Variants in GIGYF2 observed in about 807,000 individuals in gnomAD.
The protein encoded by GIGYF2 is GRB10 interacting GYF protein 2.
A neutral mutation model predicts 208.1 loss-of-function variants in GIGYF2; 25 were observed. The ratio of observed to expected loss-of-function variants is 0.12; its 90% confidence interval spans 0.09 to 0.17. The LOEUF (loss-of-function observed/expected upper bound fraction) is 0.17, where lower values mean the gene tolerates loss of function less well. Ranked by LOEUF, GIGYF2 falls within the 10% of genes least tolerant of loss-of-function variation. The probability of loss-of-function intolerance (pLI) is 1.00; values close to 1 mark genes in which losing one functional copy is unlikely to be tolerated. For synonymous variants in GIGYF2, 534 were observed against 543.8 expected, an observed-to-expected ratio of 0.98 and a Z score of 0.25; for missense variants, 1,302 against 1,579.4, an observed-to-expected ratio of 0.82 and a Z score of 2.98.
intron 23 of GIGYF2, among the ~76,000 whole-genome samples, chr2:232,843,312 C>G (rs559025879): frequency 6.6e-6 from 1 of 151,994 alleles, no homozygotes; most frequent in Non-Finnish European, 1.5e-5. Flanking sequence ...GTAATCCTAG[C>G]ACTTTGGGAG....
At chr2:232,815,761 C>G in intron 19 of GIGYF2, 24 bp downstream of exon 19, 1 of 1,152,464 alleles carries the variant, frequency 8.7e-7, no homozygotes, top group South Asian at 1.2e-5. Context: ...TCTTCTGCAA[C>G]AGTGCATTGT....
At chr2:232,804,273 T>C (rs1007835584) in intron 14 of GIGYF2, among the ~76,000 whole-genome samples, 19 of 138,518 alleles carry the variant, frequency 1.4e-4, no homozygotes, top group African/African-American at 4.9e-4. Flanking sequence ...TTTTAGTTCA[T>C]GAACTTGGTA....
chr2:232,832,076 A>G (rs1701437539), intron 21 of GIGYF2, among the ~76,000 whole-genome samples: 1 of 152,220 alleles, frequency 6.6e-6, no homozygotes, highest in Non-Finnish European at 1.5e-5. Flanking sequence ...ATAGATAAGG[A>G]CAGGGTATAG....
rs756176584 is a variant in GIGYF2, at chr2:232,756,253, G to A, written c.298G>A (p.Ala100Thr). The A allele has an allele frequency of 1.3e-6, 2 of 1,541,658 alleles. No homozygotes were observed. The highest frequency in any genetic ancestry group is 1.2e-5 in the South Asian group (1 of 85,592). Reference protein sequence around the residue: ...RNFSMSVNSAAVLRLTGRGGG... With the variant: ...RNFSMSVNSATVLRLTGRGGG... Reference sequence around the variant, plus strand: ...CTTTTCCATGTCTGTAAATAGTGCTGCTGTCCTGCGATTGACAGGACGAGG... The same window carrying A: ...CTTTTCCATGTCTGTAAATAGTGCTACTGTCCTGCGATTGACAGGACGAGG... Residue 100 changes from alanine (A) to threonine (T), a missense_variant, in exon 6 of 29, where the codon GCT (alanine) becomes ACT (threonine). Around this residue, in one of 8 missense-constraint regions of GIGYF2, gnomAD observed 189 missense variants for 257.7 expected, o/e 0.73. Coordinates refer to ENST00000373563, the MANE Select transcript of GIGYF2 (RefSeq NM_001103146.3).
At chr2:232,729,748 A>G (rs984345592) in intron 2 of GIGYF2, 4 of 752,462 alleles carry the variant, frequency 5.3e-6, no homozygotes, top group African/African-American at 1.7e-5. Context: ...TATCTGTCTT[A>G]TCATCCCAAG....
chr2:232,828,211 TC>T (rs1352707836), intron 21 of GIGYF2, among the ~76,000 whole-genome samples: 1 of 152,182 alleles, frequency 6.6e-6, no homozygotes, highest in African/African-American at 2.4e-5. Flanking sequence ...GGTCTTGAAC[TC>T]CTGGGCTCAA....
intron 8 of GIGYF2, among the ~76,000 whole-genome samples, chr2:232,773,454 A>T (rs1435381187): frequency 1.3e-5 from 2 of 152,018 alleles, no homozygotes; most frequent in Non-Finnish European, 2.9e-5. Flanking sequence ...AGTCTAGCTA[A>T]CTTCAAAGCC....
Position 232,815,653 on chromosome 2 carries a change from T to C in GIGYF2, c.2124T>C (p.Ser708=), listed in dbSNP as rs1169989047. 9.5e-6 allele frequency: 15 copies of C among 1,579,158 alleles called. No individual in the cohort carries two copies. Among genetic ancestry groups the C allele is most frequent in the African/African-American group, 1.3e-5 (1 of 74,184 alleles). ...ASQPTVWEGG[S]VWDLPLDTTT... ...GTCTTACAGTTTGGGAAGGTGGTAG[T>C]GTATGGGATCTTCCTCTGGACACCA... The change falls in exon 19 of 29, where the codon AGT becomes AGC. Residue 708 remains serine, a synonymous_variant. Coordinates refer to ENST00000373563, the MANE Select transcript of GIGYF2 (RefSeq NM_001103146.3).
chr2:232,702,734 TG>T (rs1305785500), intron 1 of GIGYF2, among the ~76,000 whole-genome samples: 1 of 152,254 alleles, frequency 6.6e-6, no homozygotes, highest in African/African-American at 2.4e-5. Context: ...ATCATATTTC[TG>T]AGGGCTCAGT....
chr2:232,817,045 G>T lies in GIGYF2; in HGVS notation c.2370+13G>T, dbSNP rs201873410. 1.8e-5 allele frequency: 28 copies of T among 1,597,612 alleles called. 1 individual carries two copies. Among genetic ancestry groups the T allele is most frequent in the African/African-American group, 1.7e-4 (13 of 74,732 alleles). ...CCGAAGGAAACAGGTATGTATCTGG[G>T]AACTCTGACCATAGGATTAGTGCTT... On this transcript the variant is annotated intron_variant, in intron 20 of 28. Transcript: ENST00000373563.
chr2:232,844,315 T>A, intron 24 of GIGYF2, 54 bp from the exon 25 acceptor site: 1 of 1,612,634 alleles, frequency 6.2e-7, no homozygotes, highest in Non-Finnish European at 8.5e-7. Flanking sequence ...CTGACTGTCT[T>A]CTTATCTTTT....
intron 6 of GIGYF2, among the ~76,000 whole-genome samples, chr2:232,758,417 C>T (rs1028579978): frequency 2.6e-5 from 4 of 152,178 alleles, no homozygotes; most frequent in Non-Finnish European, 5.9e-5. Context: ...CTATTGTCTT[C>T]ATCATTATTA....
intron 8 of GIGYF2, among the ~76,000 whole-genome samples, chr2:232,761,944 A>G (rs1698755922): frequency 6.6e-6 from 1 of 151,420 alleles, no homozygotes; most frequent in Non-Finnish European, 1.5e-5. Context: ...TAATAAAGGA[A>G]CAGGATTCCA....
intron 7 of GIGYF2, 88 bp from the exon 8 acceptor site, chr2:232,761,308 C>A: frequency 1.2e-6 from 1 of 833,520 alleles, no homozygotes; most frequent in South Asian, 1.4e-5. Context: ...AGAAGAAATG[C>A]TTTTAGAAAA....
chr2:232,727,826 C>T (rs1336502786), intron 2 of GIGYF2, among the ~76,000 whole-genome samples: 1 of 152,210 alleles, frequency 6.6e-6, no homozygotes, highest in Non-Finnish European at 1.5e-5. Flanking sequence ...TACTCTTCAA[C>T]TCTAGGTCTT....
chr2:232,817,972 T>C (rs1700964198), intron 20 of GIGYF2, among the ~76,000 whole-genome samples: 1 of 152,248 alleles, frequency 6.6e-6, no homozygotes, highest in South Asian at 2.1e-4. Flanking sequence ...TGCACCACTT[T>C]ATATTCCTAC....
At chr2:232,840,280 A>G (rs1412217482) in intron 23 of GIGYF2, among the ~76,000 whole-genome samples, 2 of 152,232 alleles carry the variant, frequency 1.3e-5, no homozygotes, top group Admixed American at 1.3e-4. Context: ...TGTGCAGATA[A>G]TCTTTTATAA....
chr2:232,769,161 C>T (rs571579122), intron 8 of GIGYF2, among the ~76,000 whole-genome samples: 4 of 152,142 alleles, frequency 2.6e-5, no homozygotes, highest in African/African-American at 9.7e-5. Context: ...TGCAACTTGG[C>T]TACAGCCAGA....
intron 3 of GIGYF2, among the ~76,000 whole-genome samples, chr2:232,739,218 C>T (rs891411624): frequency 2.0e-5 from 3 of 151,750 alleles, no homozygotes; most frequent in Non-Finnish European, 2.9e-5. Flanking sequence ...GTTAGCCGGG[C>T]GTGGTGGATT....
Sources: gnomAD v4.1 joint callset for allele counts (sites outside exome capture counted in the v4.1 genomes callset) on GRCh38, gnomAD v4.1.1 for gene constraint, gnomAD v4.1.1 regional missense constraint, MANE v1.5 for transcripts, NCBI Gene and HGNC (gene_info 2026-07-23, HGNC 2026-07-21) for gene names.